WDFY4: variants seen among roughly 807,000 people sequenced by gnomAD.
WDFY4 encodes WDFY family member 4.
Under a neutral mutation model 351.9 loss-of-function variants are expected in WDFY4, and 169 were observed. That is an observed-to-expected ratio of 0.48 (90% CI 0.42 to 0.55). The LOEUF (loss-of-function observed/expected upper bound fraction) is 0.55, where lower values mean the gene tolerates loss of function less well. Among genes scored for constraint, WDFY4 ranks in the 20% least tolerant of loss-of-function variants. The pLI is 0.00. For missense variants in WDFY4, 3,803 were observed against 3,935.6 expected, an observed-to-expected ratio of 0.97 and a Z score of 0.90; for synonymous variants, 1,622 against 1,574.6, an observed-to-expected ratio of 1.03 and a Z score of -0.71.
chr10:48,846,778 A>C (rs949881507), intron 39 of WDFY4, among the ~76,000 whole-genome samples: 3 of 152,156 alleles, frequency 2.0e-5, no homozygotes, highest in African/African-American at 7.2e-5. Context: ...TAGAGCTGGC[A>C]TGTGGTTGGG....
At chr10:48,941,025 G>A (rs961572061) in intron 47 of WDFY4, among the ~76,000 whole-genome samples, 8 of 152,184 alleles carry the variant, frequency 5.3e-5, no homozygotes, top group Non-Finnish European at 1.0e-4. Flanking sequence ...TAACCCAGTA[G>A]CACCACAGCT....
At chr10:48,825,559 A>T (rs1434541962) in intron 35 of WDFY4, among the ~76,000 whole-genome samples, 2 of 152,140 alleles carry the variant, frequency 1.3e-5, no homozygotes, top group Non-Finnish European at 2.9e-5. Context: ...TGGTTGAACA[A>T]ATTTACATTC....
intron 9 of WDFY4, 81 bp downstream of exon 9, chr10:48,731,643 C>T: frequency 7.0e-7 from 1 of 1,425,186 alleles, no homozygotes; most frequent in Non-Finnish European, 9.3e-7. Context: ...GGCTGCCCAT[C>T]AAATGCAACA....
intron 19 of WDFY4, among the ~76,000 whole-genome samples, chr10:48,782,715 A>G (rs2066268710): frequency 1.3e-5 from 2 of 152,248 alleles, no homozygotes; most frequent in South Asian, 4.1e-4. Context: ...TAATTTGACT[A>G]GTTTAACAGC....
intron 37 of WDFY4, among the ~76,000 whole-genome samples, chr10:48,829,617 A>G (rs942606515): frequency 6.6e-6 from 1 of 152,174 alleles, no homozygotes; most frequent in African/African-American, 2.4e-5. Flanking sequence ...TGGGAGGCCA[A>G]GGCGGGTGGA....
chr10:48,973,851 T>C (rs1462703078), intron 57 of WDFY4, among the ~76,000 whole-genome samples: 1 of 152,182 alleles, frequency 6.6e-6, no homozygotes, highest in Admixed American at 6.5e-5. Flanking sequence ...AAGCCAAACC[T>C]GAGGACCAAG....
chr10:48,928,125 C>T (rs1301182775), intron 47 of WDFY4, among the ~76,000 whole-genome samples: 1 of 152,158 alleles, frequency 6.6e-6, no homozygotes, highest in Non-Finnish European at 1.5e-5. Context: ...CTCCTCTCCT[C>T]CCGCAGATTA....
chr10:48,845,006 C>T (rs2068728723), intron 39 of WDFY4, among the ~76,000 whole-genome samples: 1 of 152,148 alleles, frequency 6.6e-6, no homozygotes, highest in Non-Finnish European at 1.5e-5. Flanking sequence ...GATGAAGGAG[C>T]GGCCCTCCAA....
At chr10:48,785,285 T>A (rs1390453743) in intron 19 of WDFY4, among the ~76,000 whole-genome samples, 1 of 152,180 alleles carries the variant, frequency 6.6e-6, no homozygotes, top group East Asian at 1.9e-4. Context: ...TTGCGATAAT[T>A]CCTCCTAGTC....
chr10:48,869,358 AAC>A (rs1253633628), intron 40 of WDFY4, among the ~76,000 whole-genome samples: 1 of 152,208 alleles, frequency 6.6e-6, no homozygotes, highest in African/African-American at 2.4e-5. Flanking sequence ...GGTGGCCAGT[AAC>A]ACACCACGCA....
Position 48,709,721 on chromosome 10 carries a change from C to T in WDFY4, c.-12C>T. The T allele has an allele frequency of 6.4e-7, 1 of 1,551,554 alleles. No homozygotes were observed. The highest frequency in any genetic ancestry group is 8.7e-7 in the Non-Finnish European group (1 of 1,146,660). ...TCTATTTGTTCTGAATTCAGATCTG[C>T]TTTGCCACGGCATGGAGGCAGAAGA... is the stretch of plus-strand genomic sequence containing the variant. On this transcript the variant is annotated 5_prime_UTR_variant, in exon 2 of 62. Coordinates refer to ENST00000325239, the MANE Select transcript of WDFY4 (RefSeq NM_001394531.1).
intron 33 of WDFY4, 101 bp downstream of exon 33, chr10:48,820,538 G>A: frequency 1.6e-6 from 2 of 1,278,432 alleles, no homozygotes; most frequent in Non-Finnish European, 1.1e-6. Flanking sequence ...GGGCCTGGGG[G>A]CCACAGCGAG....
chr10:48,762,325 T>C (rs1267614430), intron 13 of WDFY4, among the ~76,000 whole-genome samples: 2 of 152,238 alleles, frequency 1.3e-5, no homozygotes, highest in South Asian at 2.1e-4. Context: ...CCCAGTTTCA[T>C]GTCTCCATGT....
Position 48,817,286 on chromosome 10 carries a change from C to T in WDFY4, c.5382C>T (p.Phe1794=), listed in dbSNP as rs1374659111. Residue 1794 remains phenylalanine, a synonymous_variant, in exon 32 of 62, where the codon TTC becomes TTT. Transcript: ENST00000325239. ...GSEDGAWAQT[F]PASVLQFLSL... ...AGGATGGTGCCTGGGCACAGACCTT[C>T]CCGGCCAGCGTGCTGCAGTTCCTCA... The T allele has an allele frequency of 6.4e-7, 1 of 1,551,760 alleles. No homozygotes were observed. The highest frequency in any genetic ancestry group is 2.0e-5 in the Admixed American group (1 of 51,012).
chr10:48,833,172 T>A (rs7904137), intron 39 of WDFY4, among the ~76,000 whole-genome samples: 42,479 of 134,990 alleles, frequency 0.31, 7,630 homozygotes, highest in East Asian at 0.76. Flanking sequence ...TGTGTGTGTG[T>A]GAGAGAGAGA....
At chr10:48,734,506 T>C (rs1214339681) in intron 10 of WDFY4, among the ~76,000 whole-genome samples, 2 of 142,014 alleles carry the variant, frequency 1.4e-5, no homozygotes, top group Middle Eastern at 3.5e-3. Flanking sequence ...GCTTCTGGGT[T>C]TTAAAAATAA....
chr10:48,879,633 G>A (rs1420772749), intron 43 of WDFY4, among the ~76,000 whole-genome samples: 2 of 152,220 alleles, frequency 1.3e-5, no homozygotes, highest in Non-Finnish European at 2.9e-5. Flanking sequence ...TGCAGCCAAG[G>A]CATTTGTGGG....
intron 47 of WDFY4, among the ~76,000 whole-genome samples, chr10:48,933,473 G>A (rs770766219): frequency 7.9e-5 from 12 of 152,246 alleles, no homozygotes; most frequent in Non-Finnish European, 1.6e-4. Context: ...TCTCTTGGCC[G>A]CCAGTGGCTC....
intron 1 of WDFY4, among the ~76,000 whole-genome samples, chr10:48,695,142 G>A (rs560245874): frequency 6.6e-6 from 1 of 152,354 alleles, no homozygotes; most frequent in African/African-American, 2.4e-5. Context: ...TGGAGGGAAT[G>A]CTGGCCAAGG....
Sources: gnomAD v4.1 joint callset for allele counts (sites outside exome capture counted in the v4.1 genomes callset) on GRCh38, gnomAD v4.1.1 for gene constraint, MANE v1.5 for transcripts, NCBI Gene and HGNC (gene_info 2026-07-23, HGNC 2026-07-21) for gene names.